Variants in NLRC4 observed in about 807,000 individuals in gnomAD.
NLRC4 encodes NLR family CARD domain-containing protein 4.
NLRC4 carries 63 observed loss-of-function variants against 79.9 expected under a neutral mutation model. The ratio of observed to expected loss-of-function variants is 0.79; its 90% CI spans 0.64 to 0.97. The LOEUF is 0.97. Among genes scored for constraint, NLRC4 ranks in the 50% least tolerant of loss-of-function variants. The probability of loss-of-function intolerance (pLI) is 0.00; values close to 1 mark genes in which losing one functional copy is unlikely to be tolerated. For missense variants in NLRC4, 1,074 were observed against 1,215.2 expected, an observed-to-expected ratio of 0.88 and a Z score of 1.73; for synonymous variants, 461 against 456.5, an observed-to-expected ratio of 1.01 and a Z score of -0.12.
intron 6 of NLRC4, among the ~76,000 whole-genome samples, chr2:32,236,752 C>T (rs1686682050): frequency 6.6e-6 from 1 of 151,924 alleles, no homozygotes; most frequent in Admixed American, 6.6e-5. Flanking sequence ...GAAACAGGAA[C>T]AACAACAACA....
At chr2:32,252,340 G>A in intron 3 of NLRC4, 79 bp downstream of exon 3, 1 of 1,022,676 alleles carries the variant, frequency 9.8e-7, no homozygotes, top group South Asian at 1.5e-5. Flanking sequence ...AAAAGCAGAG[G>A]CTCTGCCATG....
chr2:32,235,462 T>C lies in NLRC4; in HGVS notation c.2721A>G (p.Pro907=), dbSNP rs1686650727. The change falls in exon 8 of 9, where the codon CCA becomes CCG. Residue 907 remains proline, a synonymous_variant. Coordinates refer to ENST00000402280, the MANE Select transcript of NLRC4 (RefSeq NM_001199138.2). ...TTTTCAACCCAAGCTTGACGAGTTGTGGGACCTCCTCCAAATGTTTCAACA... is the reference window on the plus strand; with the variant it reads ...TTTTCAACCCAAGCTTGACGAGTTGCGGGACCTCCTCCAAATGTTTCAACA... The part of the protein sequence containing the change: ...SSLLKHLEEV[P]QLVKLGLKNW... The C allele has an allele frequency of 1.9e-6, 3 of 1,614,196 alleles. No individual in the cohort carries two copies. The highest frequency in any genetic ancestry group is 1.3e-5 in the African/African-American group (1 of 75,062).
At chr2:32,255,275 C>G (rs977564676) in intron 2 of NLRC4, among the ~76,000 whole-genome samples, 2 of 151,842 alleles carry the variant, frequency 1.3e-5, no homozygotes, top group African/African-American at 4.8e-5. Flanking sequence ...AATCCCAGCA[C>G]TTTGGAAGGC....
chr2:32,249,750 C>G lies in NLRC4; in HGVS notation c.2114G>C (p.Ser705Thr). ...KRCAGVAGSLSLVLSTCKNIY... is the reference protein window; with the variant it reads ...KRCAGVAGSLTLVLSTCKNIY... ...GTTCTTACAGGTGCTGAGGACCAAA[C>G]TGAGGCTTCCAGCCACACCAGCACA... Residue 705 changes from serine (S) to threonine (T), a missense_variant, in exon 4 of 9, where the codon AGT becomes ACT. Transcript: ENST00000402280. 6.2e-7 allele frequency: 1 copy of G among 1,614,234 alleles called. No homozygotes were observed. The highest frequency in any genetic ancestry group is 8.5e-7 in the Non-Finnish European group (1 of 1,180,042).
intron 1 of NLRC4, among the ~76,000 whole-genome samples, chr2:32,261,486 A>G (rs1687349434): frequency 6.8e-6 from 1 of 147,672 alleles, no homozygotes; most frequent in Non-Finnish European, 1.5e-5. Context: ...TAATTTTTGT[A>G]TTTTTAGTAG....
At chr2:32,261,592 G>T (rs543838299) in intron 1 of NLRC4, among the ~76,000 whole-genome samples, 2 of 150,520 alleles carry the variant, frequency 1.3e-5, no homozygotes, top group East Asian at 4.1e-4. Flanking sequence ...TTACAGGCGT[G>T]AGCCACCATG....
At chr2:32,261,316 C>CCCCTTTTTTTTTTTTTTT in intron 1 of NLRC4, among the ~76,000 whole-genome samples, 13 of 96,916 alleles carry the variant, frequency 1.3e-4, no homozygotes, top group Non-Finnish European at 2.1e-4. Flanking sequence ...AGCCTCCCCC[C>CCCCTTTTTTTTTTTTTTT]TTTTGTTTTT....
rs905273389 is a variant in NLRC4 at position 32,225,183 on chromosome 2, A to G, written c.2783-418T>C. Reference sequence around the variant, plus strand: ...TAAACACCACCTAACTGTTGTTTCTATGGGTATGTTCCTAACTGTAAACTT... The same window carrying G: ...TAAACACCACCTAACTGTTGTTTCTGTGGGTATGTTCCTAACTGTAAACTT... On this transcript the variant is annotated intron_variant, in intron 8 of 8. Transcript: ENST00000402280. Among the ~76,000 whole-genome samples the G allele has an allele frequency of 4.6e-5, 7 of 152,226 alleles. No homozygotes were observed. The South Asian group carries it at 1.2e-3, about 27-fold the overall frequency.
chr2:32,250,941 A>T lies in NLRC4; in HGVS notation c.923T>A (p.Leu308His). 1 of 1,614,016 alleles carries T rather than the reference A, an allele frequency of 6.2e-7. No homozygotes were observed. The change falls in exon 4 of 9, where the codon CTC becomes CAC. Residue 308 changes from leucine to histidine, a missense_variant. Physicochemically the swap from Leu to His is moderately conservative, Grantham distance 99. Transcript: ENST00000402280. The surrounding 1 kb of genome is among the most constrained non-coding windows in gnomAD (Gnocchi z 4.9). ...GDMTEDSAQA[L>H]IREVLIKELA... ...CTCCTTGATCAGCACTTCTCGGATG[A>T]GAGCCTGGGCGCTGTCTTCTGTCAT...
At chr2:32,248,339 G>A (rs781267235) in intron 4 of NLRC4, among the ~76,000 whole-genome samples, 8 of 152,094 alleles carry the variant, frequency 5.3e-5, no homozygotes, top group Non-Finnish European at 1.0e-4. Context: ...CAGGATGGGA[G>A]GTCAAACACA....
At chr2:32,228,505 T>C (rs1686455960) in intron 8 of NLRC4, among the ~76,000 whole-genome samples, 1 of 151,946 alleles carries the variant, frequency 6.6e-6, no homozygotes, top group Admixed American at 6.6e-5. Flanking sequence ...GACAACAGCC[T>C]CCCACAAGGA....
intron 1 of NLRC4, among the ~76,000 whole-genome samples, chr2:32,261,316 C>CTTTTTTTTTTTTTTTTTTTTATTTTT (rs751434892): frequency 1.0e-5 from 1 of 96,884 alleles, no homozygotes; most frequent in Non-Finnish European, 2.1e-5. Flanking sequence ...AGCCTCCCCC[C>CTTTTTTTTTTTTTTTTTTTTATTTTT]TTTTGTTTTT....
chr2:32,243,508 A>G (rs1686854055), intron 4 of NLRC4, among the ~76,000 whole-genome samples: 1 of 151,900 alleles, frequency 6.6e-6, no homozygotes, highest in South Asian at 2.1e-4. Context: ...AGTCATGCAT[A>G]AAAGAATATT....
chr2:32,253,381 C>G (rs1001698398), intron 2 of NLRC4, among the ~76,000 whole-genome samples: 1 of 151,906 alleles, frequency 6.6e-6, no homozygotes, highest in Admixed American at 6.5e-5. Flanking sequence ...AACTCCTGAC[C>G]TTGTGATCCA....
At position 32,250,725 on chromosome 2, in the gene NLRC4, C is replaced by T. The variant is rs771068538; in HGVS notation, c.1139G>A (p.Gly380Asp). The T allele has an allele frequency of 2.5e-6, 4 of 1,614,172 alleles. No homozygotes were observed. The East Asian group carries it at 8.9e-5, about 36-fold the overall frequency. ...CCGAATGAAGTCACTTGCAGCCACA[C>T]CTTTATGTTTGTGTTTGTTTTTCTG... ...LIQKNKHKHK[G>D]VAASDFIRSL... Residue 380 changes from glycine to aspartate, a missense_variant, in exon 4 of 9, where the codon GGT becomes GAT. Physicochemically the swap from Gly to Asp is moderately conservative, Grantham distance 94. Transcript: ENST00000402280. This position sits in a 1 kb window ranked among gnomAD's most constrained non-coding sequence, Gnocchi z 4.9.
Position 32,251,602 on chromosome 2 carries a change from C to G in NLRC4, c.263-1G>C. 6.3e-7 allele frequency: 1 copy of G among 1,578,584 alleles called. No individual in the cohort carries two copies. Among genetic ancestry groups the G allele is most frequent in the South Asian group, 1.2e-5 (1 of 84,780 alleles). On this transcript the variant is annotated splice_acceptor_variant, in intron 3 of 8. Coordinates refer to ENST00000402280, the MANE Select transcript of NLRC4 (RefSeq NM_001199138.2). LOFTEE classifies it high-confidence loss of function. ...CCTTCTGATGTCTGATGAAAAAGAC[C>G]TATTAGAGAAGAGGTGATGTTAAAG...
intron 8 of NLRC4, among the ~76,000 whole-genome samples, chr2:32,226,845 A>T (rs966038670): frequency 6.6e-6 from 1 of 151,630 alleles, no homozygotes; most frequent in Non-Finnish European, 1.5e-5. Context: ...ACACCATTGC[A>T]CTCCAGCCTG....
chr2:32,255,520 CAAAAA>C (rs1385459440), intron 2 of NLRC4, among the ~76,000 whole-genome samples: 1 of 38,606 alleles, frequency 2.6e-5, no homozygotes, highest in Non-Finnish European at 5.4e-5. Context: ...AACTCCGTCT[CAAAAA>C]AAAAAAAAAA....
chr2:32,255,520 C>CA (rs1385459440), intron 2 of NLRC4, among the ~76,000 whole-genome samples: 1,633 of 38,508 alleles, frequency 0.042, 53 homozygotes, highest in African/African-American at 0.13. Context: ...AACTCCGTCT[C>CA]AAAAAAAAAA....
Sources: gnomAD v4.1 joint callset for allele counts (sites outside exome capture counted in the v4.1 genomes callset) on GRCh38, gnomAD v4.1.1 for gene constraint, Gnocchi (gnomAD v3.1) non-coding constraint, MANE v1.5 for transcripts, NCBI Gene and HGNC (gene_info 2026-07-23, HGNC 2026-07-21) for gene names.